TBC1D19: variants seen among roughly 807,000 people sequenced by gnomAD.
TBC1D19 encodes TBC1 domain family member 19.
TBC1D19 carries 60 observed loss-of-function variants against 89.0 expected under a neutral mutation model. The observed-to-expected ratio is 0.67, with a 90% CI of 0.55 to 0.84. The LOEUF (loss-of-function observed/expected upper bound fraction) is 0.84. TBC1D19 is among the 40% of genes least tolerant of loss of function. TBC1D19 has a pLI of 0.00. For missense variants in TBC1D19, 500 were observed against 610.8 expected (o/e 0.82, Z 1.91); for synonymous variants, 189 against 199.7 (o/e 0.95, Z 0.45).
chr4:26,851,883 C>T, the TBC1D19 span, among the ~76,000 whole-genome samples: 1 of 152,142 alleles, frequency 6.6e-6, no homozygotes, highest in Admixed American at 6.5e-5. Context: ...GCTCAGCTAT[C>T]AAGTTCTTTT....
chr4:26,632,755 T>C (rs528376978), intron 4 of TBC1D19, among the ~76,000 whole-genome samples: 37 of 152,280 alleles, frequency 2.4e-4, no homozygotes, highest in Non-Finnish European at 4.0e-4. Flanking sequence ...AGGGTCCATG[T>C]TGCAAAATGG....
Position 26,693,310 on chromosome 4 carries a change from A to T in TBC1D19, c.954+4903A>T, listed in dbSNP as rs187319169. 2.6e-5 allele frequency among the ~76,000 whole-genome samples: 4 copies of T among 152,328 alleles called. No homozygotes were observed. In the East Asian group the frequency reaches 7.7e-4, roughly 29 times the overall value. ...ACAATCATGAGCCCCAGCTGCTTGT[A>T]AGATGGCTTAGATGTTGTACTTAAC... On this transcript the variant is annotated intron_variant, in intron 13 of 20. Transcript: ENST00000264866.
chr4:26,764,922 T>A, the TBC1D19 span, among the ~76,000 whole-genome samples: 12 of 152,254 alleles, frequency 7.9e-5, no homozygotes, highest in East Asian at 2.1e-3. Flanking sequence ...TTTTTATTGA[T>A]GTAAAAATGT....
At chr4:26,619,981 A>G (rs983104863) in intron 3 of TBC1D19, among the ~76,000 whole-genome samples, 1 of 152,200 alleles carries the variant, frequency 6.6e-6, no homozygotes, top group African/African-American at 2.4e-5. Context: ...AAGAGGAGTT[A>G]TATATTGTTG....
chr4:26,739,834 C>A (rs1718248776), intron 16 of TBC1D19, 30 bp from the exon 17 acceptor site: 2 of 1,250,406 alleles, frequency 1.6e-6, no homozygotes, highest in Non-Finnish European at 2.2e-6. Flanking sequence ...AGTAGTTCTG[C>A]AGTATTATAA....
chr4:26,729,976 T>C (rs1183497628), intron 15 of TBC1D19, among the ~76,000 whole-genome samples: 1 of 152,218 alleles, frequency 6.6e-6, no homozygotes, highest in Admixed American at 6.5e-5. Flanking sequence ...AACTTTTTCA[T>C]GGTCTCATTA....
the TBC1D19 span, among the ~76,000 whole-genome samples, chr4:26,786,587 G>C: frequency 3.3e-5 from 5 of 152,154 alleles, no homozygotes; most frequent in Admixed American, 3.3e-4. Context: ...CCAACATCGG[G>C]GGGTGGTGCT....
In TBC1D19 at chr4:26,735,492, G is replaced by C. The variant is rs1163707192; in HGVS notation, c.1117+5G>C. The C allele has an allele frequency of 6.4e-7, 1 of 1,559,574 alleles. No individual in the cohort carries two copies. The highest frequency in any genetic ancestry group is 8.7e-7 in the Non-Finnish European group (1 of 1,149,534). On this transcript the variant is annotated splice_donor_5th_base_variant and intron_variant, in intron 16 of 20. Coordinates refer to ENST00000264866, the MANE Select transcript of TBC1D19 (RefSeq NM_018317.4). ...TTCATGGATTTTCAATGTATGGTAA[G>C]TTGGGCTTTAAAAACATCATAATGT...
At chr4:26,842,509 C>T in the TBC1D19 span, among the ~76,000 whole-genome samples, 4 of 149,798 alleles carry the variant, frequency 2.7e-5, no homozygotes, top group Admixed American at 2.7e-4. Context: ...GGCTTTCCTT[C>T]TCCTTCCTTC....
intron 13 of TBC1D19, among the ~76,000 whole-genome samples, chr4:26,694,972 A>G (rs1293035414): frequency 1.3e-5 from 2 of 152,238 alleles, no homozygotes; most frequent in Non-Finnish European, 1.5e-5. Flanking sequence ...TGAAATTTCT[A>G]AAAGTCAGAG....
chr4:26,587,260 AT>A (rs1467580714), intron 1 of TBC1D19, among the ~76,000 whole-genome samples: 1 of 152,058 alleles, frequency 6.6e-6, no homozygotes. Context: ...TTTGCTGAAG[AT>A]TTTGTAACTG....
chr4:26,805,967 T>C, the TBC1D19 span, among the ~76,000 whole-genome samples: 4 of 150,818 alleles, frequency 2.7e-5, no homozygotes, highest in East Asian at 5.9e-4. Flanking sequence ...TGAGACTTGG[T>C]CTCAAAAAAA....
At chr4:26,620,204 G>C (rs1741952848) in intron 3 of TBC1D19, among the ~76,000 whole-genome samples, 1 of 152,110 alleles carries the variant, frequency 6.6e-6, no homozygotes, top group Admixed American at 6.5e-5. Flanking sequence ...ATCTTTGCAT[G>C]GTTGGCTCCT....
chr4:26,808,589 C>A, the TBC1D19 span, among the ~76,000 whole-genome samples: 2 of 151,774 alleles, frequency 1.3e-5, no homozygotes, highest in Admixed American at 6.6e-5. Flanking sequence ...ATTAGCCAGG[C>A]GTGATGGCAG....
At chr4:26,805,734 A>G in the TBC1D19 span, among the ~76,000 whole-genome samples, 1 of 152,128 alleles carries the variant, frequency 6.6e-6, no homozygotes, top group African/African-American at 2.4e-5. Flanking sequence ...AGTGGCTCAC[A>G]CCTGTAATCC....
At chr4:26,765,662 G>A in the TBC1D19 span, among the ~76,000 whole-genome samples, 1 of 152,066 alleles carries the variant, frequency 6.6e-6, no homozygotes, top group Non-Finnish European at 1.5e-5. Flanking sequence ...ATTTGTCTCT[G>A]GGGAGGGGCA....
At chr4:26,594,815 A>G (rs931550721) in intron 1 of TBC1D19, among the ~76,000 whole-genome samples, 1 of 152,138 alleles carries the variant, frequency 6.6e-6, no homozygotes, top group South Asian at 2.1e-4. Flanking sequence ...CTGATTCCCT[A>G]AAAAATCCCG....
upstream of TBC1D19, among the ~76,000 whole-genome samples, chr4:26,583,418 C>A (rs768992990): frequency 6.6e-6 from 1 of 152,132 alleles, no homozygotes; most frequent in African/African-American, 2.4e-5. Context: ...AATGAATATA[C>A]GGAAGAGGAT....
chr4:26,622,952 T>C (rs1019330276), intron 4 of TBC1D19, among the ~76,000 whole-genome samples: 11 of 152,166 alleles, frequency 7.2e-5, no homozygotes, highest in Admixed American at 1.3e-4. Flanking sequence ...CAGAACACTC[T>C]TGATAAGGTT....
Sources: allele counts gnomAD v4.1 joint callset (sites outside exome capture counted in the v4.1 genomes callset), GRCh38; gene constraint gnomAD v4.1.1; transcripts MANE v1.5; gene names NCBI Gene and HGNC (gene_info 2026-07-23, HGNC 2026-07-21).